The following CHODL variants were observed in gnomAD, a reference collection of about 807,000 sequenced individuals.
The protein encoded by CHODL is transmembrane protein MT75.
CHODL carries 29 observed loss-of-function variants against 34.5 expected under a neutral mutation model. That is an observed-to-expected ratio of 0.84 (90% CI 0.63 to 1.15). CHODL has a LOEUF of 1.15. CHODL is among the 50% of genes most tolerant of loss of function. CHODL has a pLI of 0.00. For synonymous variants in CHODL, 125 were observed against 116.1 expected (o/e 1.08, Z -0.49); for missense variants, 332 against 332.5 (o/e 1.00, Z 0.01).
At chr21:17,964,349 TCACA>T (rs143331966) in intron 1 of CHODL, among the ~76,000 whole-genome samples, 3 of 151,898 alleles carry the variant, frequency 2.0e-5, no homozygotes, top group East Asian at 1.9e-4. Context: ...AAGCACACAG[TCACA>T]CACACACACG....
intron 2 of CHODL, among the ~76,000 whole-genome samples, chr21:18,057,046 C>T (rs918811197): frequency 1.3e-5 from 2 of 152,078 alleles, no homozygotes; most frequent in African/African-American, 4.8e-5. Context: ...ATGGGAGAGT[C>T]TTACACTGAG....
At chr21:18,009,699 T>C (rs1312952297) in intron 1 of CHODL, among the ~76,000 whole-genome samples, 2 of 151,828 alleles carry the variant, frequency 1.3e-5, no homozygotes, top group Non-Finnish European at 2.9e-5. Context: ...ACACCCTGGC[T>C]AACATGGTGA....
chr21:17,950,009 C>CAAAAGAATAGATTTTGT (rs2063443115), intron 1 of CHODL, among the ~76,000 whole-genome samples: 1 of 152,010 alleles, frequency 6.6e-6, no homozygotes, highest in South Asian at 2.1e-4. Flanking sequence ...AAAATCAAAA[C>CAAAAGAATAGATTTTGT]AAAAGAATAG....
intron 2 of CHODL, among the ~76,000 whole-genome samples, chr21:18,237,021 G>C (rs545085566): frequency 1.3e-5 from 2 of 152,094 alleles, no homozygotes; most frequent in African/African-American, 4.8e-5. Flanking sequence ...CTAACTATTG[G>C]AGAAGAAATA....
chr21:18,100,462 C>T (rs1299801136), intron 2 of CHODL, among the ~76,000 whole-genome samples: 2 of 151,978 alleles, frequency 1.3e-5, no homozygotes, highest in African/African-American at 4.8e-5. Flanking sequence ...GGGATGGTGA[C>T]TGTTTGGTTT....
chr21:18,241,523 G>A (rs28497875), upstream of CHODL, among the ~76,000 whole-genome samples: 28,726 of 152,046 alleles, frequency 0.19, 2,812 homozygotes, highest in Non-Finnish European at 0.22. Context: ...GTCACTGTTC[G>A]ATCTGGAGCG....
intron 2 of CHODL, among the ~76,000 whole-genome samples, chr21:18,090,082 C>T (rs917556035): frequency 4.6e-5 from 7 of 152,070 alleles, no homozygotes; most frequent in African/African-American, 1.7e-4. Context: ...AAACAATAAC[C>T]CTATCAGTGC....
intron 1 of CHODL, among the ~76,000 whole-genome samples, chr21:17,923,713 A>C (rs890166352): frequency 5.3e-5 from 8 of 152,074 alleles, no homozygotes; most frequent in Admixed American, 1.3e-4. Context: ...CGCCCACCTC[A>C]GCCTCCCAAA....
chr21:18,028,277 C>CTTCTTT (rs377144650), intron 2 of CHODL, among the ~76,000 whole-genome samples: 1 of 98,934 alleles, frequency 1.0e-5, no homozygotes. Flanking sequence ...TTTCCTTTTC[C>CTTCTTT]CCTTCCTTCC....
chr21:18,250,573 CTCTT>C (rs1201095703), intron 1 of CHODL, among the ~76,000 whole-genome samples: 7 of 151,768 alleles, frequency 4.6e-5, no homozygotes, highest in Non-Finnish European at 1.0e-4. Context: ...TATAATAAAA[CTCTT>C]TATAAGAAAA....
intron 1 of CHODL, among the ~76,000 whole-genome samples, chr21:17,974,403 G>A (rs922064044): frequency 7.2e-5 from 11 of 151,974 alleles, no homozygotes; most frequent in African/African-American, 2.7e-4. Flanking sequence ...CTCCCAAGTA[G>A]CTGGGATTAC....
intron 2 of CHODL, among the ~76,000 whole-genome samples, chr21:18,095,407 A>C: frequency 6.6e-6 from 1 of 152,164 alleles, no homozygotes; most frequent in East Asian, 1.9e-4. Context: ...AAAAAACTAA[A>C]AGAAATGGGT....
At chr21:18,249,082 T>TA (rs1455126338) in intron 1 of CHODL, among the ~76,000 whole-genome samples, 3 of 122,604 alleles carry the variant, frequency 2.4e-5, no homozygotes, top group African/African-American at 1.0e-4. Flanking sequence ...ATAATATATA[T>TA]ATAATAAAAT....
chr21:17,965,625 G>A (rs945873113), intron 1 of CHODL, among the ~76,000 whole-genome samples: 4 of 152,066 alleles, frequency 2.6e-5, no homozygotes, highest in Non-Finnish European at 4.4e-5. Flanking sequence ...TTTAATTCTT[G>A]TCTTATAGAT....
intron 1 of CHODL, among the ~76,000 whole-genome samples, chr21:17,981,469 G>A (rs1220813386): frequency 1.3e-5 from 2 of 152,178 alleles, no homozygotes; most frequent in Non-Finnish European, 1.5e-5. Context: ...GGAAACAGAA[G>A]TGACAGCTGA....
intron 1 of CHODL, among the ~76,000 whole-genome samples, chr21:17,927,983 G>A (rs1300399161): frequency 6.6e-6 from 1 of 152,262 alleles, no homozygotes; most frequent in Middle Eastern, 3.4e-3. Context: ...AAGGGTACAG[G>A]TATATTCAGC....
At chr21:18,238,751 G>A (rs886133788) in intron 2 of CHODL, among the ~76,000 whole-genome samples, 2 of 152,062 alleles carry the variant, frequency 1.3e-5, no homozygotes, top group African/African-American at 2.4e-5. Context: ...CAGCACAGAC[G>A]GGCCTGAGTC....
At chr21:18,080,310 G>T (rs979898041) in intron 2 of CHODL, among the ~76,000 whole-genome samples, 3 of 151,854 alleles carry the variant, frequency 2.0e-5, no homozygotes, top group East Asian at 3.9e-4. Flanking sequence ...TGATTGTTTT[G>T]CTTGTCAGAA....
At chr21:18,237,039 G>T (rs773949676) in intron 2 of CHODL, among the ~76,000 whole-genome samples, 1 of 152,048 alleles carries the variant, frequency 6.6e-6, no homozygotes, top group African/African-American at 2.4e-5. Context: ...ATATGCTGTG[G>T]TTTTAAAAAA....
Sources: allele counts gnomAD v4.1 joint callset (sites outside exome capture counted in the v4.1 genomes callset), GRCh38; gene constraint gnomAD v4.1.1; transcripts MANE v1.5; gene names NCBI Gene and HGNC (gene_info 2026-07-23, HGNC 2026-07-21).